Variants in TTC19 observed in about 807,000 individuals in gnomAD.
TTC19 encodes the protein tetratricopeptide repeat domain 19.
TTC19 carries 38 observed loss-of-function variants against 49.5 expected under a neutral mutation model. The observed-to-expected ratio is 0.77, with a 90% CI of 0.59 to 1.01. TTC19 has a LOEUF of 1.01. TTC19 is among the 50% of genes least tolerant of loss of function. The pLI, the probability that TTC19 is intolerant of heterozygous loss-of-function variation, is 0.00. For missense variants in TTC19, 475 were observed against 477.7 expected (o/e 0.99, Z 0.05); for synonymous variants, 204 against 185.2 (o/e 1.10, Z -0.83).
At chr17:16,020,964 G>C (rs796066740) in intron 7 of TTC19, among the ~76,000 whole-genome samples, 1 of 152,116 alleles carries the variant, frequency 6.6e-6, no homozygotes, top group South Asian at 2.1e-4. Context: ...CAGGATTGCA[G>C]GTGTGAGCCA....
intron 6 of TTC19, among the ~76,000 whole-genome samples, chr17:16,006,148 G>A (rs996088986): frequency 6.6e-6 from 1 of 152,160 alleles, no homozygotes; most frequent in Non-Finnish European, 1.5e-5. Flanking sequence ...AGTGGCTCAC[G>A]CCTGTAATCC....
Position 16,029,333 on chromosome 17 carries a change from T to C in TTC19, c.*1811T>C, listed in dbSNP as rs1280248696. ...GGTACTGAAGCAAAAGGAGGACTGA[T>C]CTCCTTTACTGATTGGTCTAAATTC... On this transcript the variant is annotated 3_prime_UTR_variant, in exon 10 of 10. Coordinates refer to ENST00000261647, the MANE Select transcript of TTC19 (RefSeq NM_017775.4). The C allele has an allele frequency of 2.3e-6, 1 of 432,660 alleles. No individual in the cohort carries two copies. The highest frequency in any genetic ancestry group is 2.0e-5 in the African/African-American group (1 of 48,870). 26.8% of individuals were successfully genotyped at this position (432,660 alleles called of 1,614,324 possible). A position where few individuals can be genotyped will look rare whatever the true frequency, so the allele number is the denominator to read the frequency against.
intron 7 of TTC19, among the ~76,000 whole-genome samples, chr17:16,008,769 C>G (rs1423587016): frequency 6.6e-6 from 1 of 152,116 alleles, no homozygotes; most frequent in Non-Finnish European, 1.5e-5. Context: ...TTACCTTTCT[C>G]TGGCCAACTC....
At chr17:16,032,820 TTTC>T (rs1221877740), downstream of TTC19, among the ~76,000 whole-genome samples, 2 of 152,180 alleles carry the variant, frequency 1.3e-5, no homozygotes, top group Non-Finnish European at 2.9e-5. Flanking sequence ...TAGCAAGAGC[TTTC>T]TTAACTCTTC....
Position 16,002,002 on chromosome 17 carries a change from G to A in TTC19, c.400G>A (p.Ala134Thr). 6.2e-7 allele frequency: 1 copy of A among 1,612,446 alleles called. No individual in the cohort carries two copies. Among genetic ancestry groups the A allele is most frequent in the East Asian group, 2.2e-5 (1 of 44,884 alleles). Residue 134 changes from alanine (A) to threonine (T), a missense_variant, in exon 3 of 10, where the codon GCC (alanine) becomes ACC (threonine). Transcript: ENST00000261647. ...CGCCTATCAGACTGATAACAAGAAG[G>A]CCATCACTTACACTTATGATTTGGT... Reference protein sequence around the residue: ...RLAYQTDNKKAITYTYDLMAN... With the variant: ...RLAYQTDNKKTITYTYDLMAN...
chr17:16,032,279 C>G, downstream of TTC19: 2 of 1,590,998 alleles, frequency 1.3e-6, no homozygotes, highest in Non-Finnish European at 1.7e-6. Flanking sequence ...CACCCTGTTC[C>G]CCTCACTTTG....
Position 16,028,522 on chromosome 17 carries a change from A to G in TTC19, c.*1000A>G, listed in dbSNP as rs900324907. ...TTTGGTTAGATGACTTTGAATGAAT[A>G]GACTGCTGTGCTGAAAGAGCTTTAT... On this transcript the variant is annotated 3_prime_UTR_variant, in exon 10 of 10. Coordinates refer to ENST00000261647, the MANE Select transcript of TTC19 (RefSeq NM_017775.4). 7.5e-5 allele frequency: 34 copies of G among 453,998 alleles called. No homozygotes were observed. The Admixed American group carries it at 8.0e-4, about 11-fold the overall frequency. 28.1% of individuals were successfully genotyped at this position (453,998 alleles called of 1,614,324 possible). A position where few individuals can be genotyped will look rare whatever the true frequency, so the allele number is the denominator to read the frequency against.
At chr17:16,032,186 G>A (rs1972135621), downstream of TTC19, 1 of 1,096,470 alleles carries the variant, frequency 9.1e-7, no homozygotes, top group Non-Finnish European at 1.3e-6. Context: ...CTCCTGAAAA[G>A]TCTCAGGGAA....
chr17:16,042,299 G>GTCAT (rs3837816), intron 2 of TTC19, among the ~76,000 whole-genome samples: 88,837 of 151,620 alleles, frequency 0.59, 26,756 homozygotes, highest in African/African-American at 0.7. Context: ...TGGAACAGGA[G>GTCAT]TCATTCATTT....
rs1249284257 is a variant in TTC19, at chr17:16,027,729, C to G, written c.*207C>G. The G allele has an allele frequency of 9.3e-6, 6 of 647,580 alleles. No homozygotes were observed. Among genetic ancestry groups the G allele is most frequent in the Middle Eastern group, 4.0e-4 (1 of 2,518 alleles). The allele number at this position is 647,580 out of a possible 1,614,324, so 40.1% of individuals were successfully genotyped here. A position where few individuals can be genotyped will look rare whatever the true frequency, so the allele number is the denominator to read the frequency against. On this transcript the variant is annotated 3_prime_UTR_variant, in exon 10 of 10. Transcript: ENST00000261647. ...ACTTTCATTCCCAACTGATTATGAC[C>G]TTTCAGGATGTCGTCAAGTGATGCT...
At chr17:16,044,937 ATGGGCTTTTGGTTG>A (rs2058408531) in exon 3 of TTC19, 1 of 615,060 alleles carries the variant, frequency 1.6e-6, no homozygotes, top group Non-Finnish European at 3.0e-6. Flanking sequence ...TGATGATGAC[ATGGGCTTTTGGTTG>A]TTTTGACTAA....
rs1227767417 is a variant in TTC19 at position 16,006,464 on chromosome 17, T to G, written c.582-10T>G. On this transcript the variant is annotated splice_polypyrimidine_tract_variant and intron_variant, in intron 6 of 9. Transcript: ENST00000261647. The stretch of plus-strand genomic sequence containing the variant: ...AAGGTAAATGGCTGATTATTGATTT[T>G]GCTTTACAGACAGGAATTTGCTGTT... 1 of 1,582,514 alleles carries G rather than the reference T, an allele frequency of 6.3e-7. No individual in the cohort carries two copies. The highest frequency in any genetic ancestry group is 1.3e-5 in the African/African-American group (1 of 74,420).
At chr17:16,032,591 T>G, downstream of TTC19, 1 of 1,103,108 alleles carries the variant, frequency 9.1e-7, no homozygotes, top group Non-Finnish European at 1.3e-6. Flanking sequence ...AATGGTCATG[T>G]GACACCATGA....
At chr17:16,006,637 G>A in intron 7 of TTC19, 69 bp downstream of exon 7, 1 of 1,090,142 alleles carries the variant, frequency 9.2e-7, no homozygotes. Context: ...TTTGAGAAAT[G>A]GAAAGAGATC....
At chr17:16,013,674 CATTCTTTGA>C (rs1481237731) in intron 7 of TTC19, among the ~76,000 whole-genome samples, 3 of 152,160 alleles carry the variant, frequency 2.0e-5, no homozygotes, top group African/African-American at 7.2e-5. Flanking sequence ...TAACAGTATA[CATTCTTTGA>C]ATTATATATT....
chr17:15,999,848 C>T lies in TTC19; in HGVS notation c.-1C>T, dbSNP rs2302414. 9.2e-4 allele frequency: 1,399 copies of T among 1,520,784 alleles called. 23 individuals are homozygous for T. The East Asian group carries it at 0.024, about 26-fold the overall frequency. 94.2% of individuals were successfully genotyped at this position (1,520,784 alleles called of 1,614,324 possible). Reference sequence around the variant, plus strand: ...CAGTGCGCAGAGGACGCGGCGGGAGCATGTTCCGGCTCCTGAGCTGGAGCC... The same window carrying T: ...CAGTGCGCAGAGGACGCGGCGGGAGTATGTTCCGGCTCCTGAGCTGGAGCC... On this transcript the variant is annotated 5_prime_UTR_variant, in exon 1 of 10. Coordinates refer to ENST00000261647, the MANE Select transcript of TTC19 (RefSeq NM_017775.4).
rs1333036725 is a variant in TTC19, at chr17:16,029,264, T to C, written c.*1742T>C. The C allele has an allele frequency of 4.4e-6, 2 of 453,648 alleles. No individual in the cohort carries two copies. Among genetic ancestry groups the C allele is most frequent in the South Asian group, 1.6e-5 (1 of 64,312 alleles). The allele number at this position is 453,648 out of a possible 1,614,324, so 28.1% of individuals were successfully genotyped here. On this transcript the variant is annotated 3_prime_UTR_variant, in exon 10 of 10. Transcript: ENST00000261647. ...AGGAGTTTTCAGGACAGTCTCTTCA[T>C]GTGGGTGTTTTCATTACAGTTCATT...
At chr17:16,044,843 GCACCAGTGGGATCCTGCCCA>G (rs1397139888) in exon 3 of TTC19, 1 of 987,358 alleles carries the variant, frequency 1.0e-6, no homozygotes, top group Non-Finnish European at 1.6e-6. Flanking sequence ...AGCTGGTGCT[GCACCAGTGGGATCCTGCCCA>G]CTCCACTGCT....
chr17:16,004,283 G>A lies in TTC19; in HGVS notation c.581+21G>A, dbSNP rs964656206. 6 of 1,610,876 alleles carry A rather than the reference G, an allele frequency of 3.7e-6. No homozygotes were observed. The African/African-American group carries it at 5.3e-5, about 14-fold the overall frequency. On this transcript the variant is annotated intron_variant, in intron 6 of 9. Coordinates refer to ENST00000261647, the MANE Select transcript of TTC19 (RefSeq NM_017775.4). Reference sequence around the variant, plus strand: ...AACAGGTAAGTACAGCAGCCAGGGAGTAGGACTGTGGGCAGGAAACTTTGA... The same window carrying A: ...AACAGGTAAGTACAGCAGCCAGGGAATAGGACTGTGGGCAGGAAACTTTGA...
Sources: gnomAD v4.1 joint callset for allele counts (sites outside exome capture counted in the v4.1 genomes callset) on GRCh38, gnomAD v4.1.1 for gene constraint, MANE v1.5 for transcripts, NCBI Gene and HGNC (gene_info 2026-07-23, HGNC 2026-07-21) for gene names.